The following LGR5 variants were observed in gnomAD, a reference collection of about 807,000 sequenced individuals.
LGR5 encodes the protein leucine rich repeat containing G protein-coupled receptor 5.
LGR5 carries 54 observed loss-of-function variants against 76.7 expected under a neutral mutation model. The ratio of observed to expected loss-of-function variants is 0.70; its 90% CI spans 0.57 to 0.88. The LOEUF is 0.88. Among genes scored for constraint, LGR5 ranks in the 40% least tolerant of loss-of-function variants. The pLI is 0.00. For synonymous variants in LGR5, 406 were observed against 421.9 expected, an observed-to-expected ratio of 0.96 and a Z score of 0.46; for missense variants, 1,078 against 1,073.3, an observed-to-expected ratio of 1.00 and a Z score of -0.06.
At chr12:71,564,819 G>T (rs1462688389) in intron 8 of LGR5, among the ~76,000 whole-genome samples, 2 of 146,440 alleles carry the variant, frequency 1.4e-5, no homozygotes, top group African/African-American at 2.5e-5. Flanking sequence ...ACTGTATATA[G>T]ATACACATAT....
At chr12:71,497,867 G>C (rs1874405454) in intron 1 of LGR5, among the ~76,000 whole-genome samples, 1 of 152,152 alleles carries the variant, frequency 6.6e-6, no homozygotes, top group Non-Finnish European at 1.5e-5. Flanking sequence ...TTTTAAAATA[G>C]TAACACTGTA....
intron 11 of LGR5, among the ~76,000 whole-genome samples, chr12:71,570,095 G>C (rs1878533766): frequency 6.6e-6 from 1 of 152,160 alleles, no homozygotes; most frequent in South Asian, 2.1e-4. Flanking sequence ...CTTGCAAGTG[G>C]GAGCTGAGCA....
intron 1 of LGR5, among the ~76,000 whole-genome samples, chr12:71,456,266 G>C (rs1730236561): frequency 6.6e-6 from 1 of 152,132 alleles, no homozygotes; most frequent in Non-Finnish European, 1.5e-5. Context: ...TACATAAAAA[G>C]CTTTTGATCA....
rs144643399 is a variant in LGR5 at position 71,462,571 on chromosome 12, C to G, written c.212+22279C>G. 7.9e-5 allele frequency among the ~76,000 whole-genome samples: 12 copies of G among 152,278 alleles called. No individual in the cohort carries two copies. In the East Asian group the frequency reaches 2.3e-3, roughly 29 times the overall value. On this transcript the variant is annotated intron_variant, in intron 1 of 17. Coordinates refer to ENST00000266674, the MANE Select transcript of LGR5 (RefSeq NM_003667.4). ...AAAAGTCCTTCCTGCAAGCTCTTCTCAACTACAGTCTCCTCATCAATGGCT... is the reference window on the plus strand; with the variant it reads ...AAAAGTCCTTCCTGCAAGCTCTTCTGAACTACAGTCTCCTCATCAATGGCT...
intron 1 of LGR5, among the ~76,000 whole-genome samples, chr12:71,498,253 C>G (rs17227114): frequency 0.089 from 13,612 of 152,198 alleles, 647 homozygotes; most frequent in Non-Finnish European, 0.11. Flanking sequence ...AGAGTTTGCT[C>G]CCAAGAGTAT....
intron 1 of LGR5, among the ~76,000 whole-genome samples, chr12:71,486,763 AC>A (rs1288285708): frequency 2.0e-5 from 3 of 152,080 alleles, no homozygotes; most frequent in African/African-American, 4.8e-5. Flanking sequence ...TATCATTAAA[AC>A]TTCTTTAAAA....
intron 1 of LGR5, among the ~76,000 whole-genome samples, chr12:71,455,317 G>A (rs943776517): frequency 2.6e-5 from 4 of 152,094 alleles, no homozygotes; most frequent in East Asian, 1.9e-4. Flanking sequence ...GTAAATACAT[G>A]TTCTGAAGTC....
chr12:71,443,857 C>T (rs754941468), intron 1 of LGR5, among the ~76,000 whole-genome samples: 1 of 152,008 alleles, frequency 6.6e-6, no homozygotes, highest in African/African-American at 2.4e-5. Context: ...TAAAGGCATT[C>T]ACATTTCATC....
chr12:71,512,700 GA>G (rs1423506134), intron 2 of LGR5, among the ~76,000 whole-genome samples: 2 of 152,204 alleles, frequency 1.3e-5, no homozygotes, highest in Admixed American at 6.5e-5. Flanking sequence ...ATAGGGTTAT[GA>G]AATCGGGTGT....
At chr12:71,567,920 A>T (rs1878429627) in intron 11 of LGR5, among the ~76,000 whole-genome samples, 1 of 152,192 alleles carries the variant, frequency 6.6e-6, no homozygotes, top group South Asian at 2.1e-4. Context: ...AATTTGTTAA[A>T]ATCACAAAGC....
chr12:71,516,350 T>C (rs981280255), intron 2 of LGR5, among the ~76,000 whole-genome samples: 18 of 152,080 alleles, frequency 1.2e-4, no homozygotes, highest in African/African-American at 3.9e-4. Flanking sequence ...AAGAAGAAAT[T>C]TGTGCAAGAA....
rs761226457 is a variant in LGR5, at chr12:71,583,942, C to A, written c.1932C>A (p.Ser644=). 59 of 1,614,008 alleles carry A rather than the reference C, an allele frequency of 3.7e-5. No homozygotes were observed. Among genetic ancestry groups the A allele is most frequent in the Non-Finnish European group, 4.9e-5 (58 of 1,180,026 alleles). Residue 644 remains serine, a synonymous_variant, in exon 18 of 18, where the codon TCC becomes TCA. Coordinates refer to ENST00000266674, the MANE Select transcript of LGR5 (RefSeq NM_003667.4). The stretch of plus-strand genomic sequence containing the variant: ...GTTGCCATGTCATTGGTTTTTTGTC[C>A]ATTTTTGCTTCAGAATCATCTGTTT... ...GVGCHVIGFL[S]IFASESSVFL...
At position 71,440,261 on chromosome 12, in the gene LGR5, C is replaced by A. The variant is rs757735108; in HGVS notation, c.181C>A (p.Pro61Thr). The change falls in exon 1 of 18, where the codon CCT (proline) becomes ACT (threonine). Residue 61 changes from proline (P) to threonine (T), a missense_variant. Physicochemically the swap from Pro to Thr is conservative, Grantham distance 38. Coordinates refer to ENST00000266674, the MANE Select transcript of LGR5 (RefSeq NM_003667.4). This position sits in a 1 kb window ranked among gnomAD's most constrained non-coding sequence, Gnocchi z 5.3. Reference protein sequence around the residue: ...DCSDLGLSELPSNLSVFTSYL... With the variant: ...DCSDLGLSELTSNLSVFTSYL... The stretch of plus-strand genomic sequence containing the variant: ...CTCCGACCTGGGGCTCTCGGAGCTG[C>A]CTTCCAACCTCAGCGTCTTCACCTC... 7.4e-6 allele frequency: 12 copies of A among 1,612,626 alleles called. No individual in the cohort carries two copies. Among genetic ancestry groups the A allele is most frequent in the Non-Finnish European group, 9.3e-6 (11 of 1,179,986 alleles).
At chr12:71,474,775 A>T (rs1316661579) in intron 1 of LGR5, among the ~76,000 whole-genome samples, 1 of 152,236 alleles carries the variant, frequency 6.6e-6, no homozygotes. Context: ...TAAACAATGT[A>T]GCAACTGATC....
At chr12:71,545,900 A>G (rs1313598895) in intron 4 of LGR5, among the ~76,000 whole-genome samples, 4 of 152,238 alleles carry the variant, frequency 2.6e-5, no homozygotes, top group Non-Finnish European at 5.9e-5. Context: ...TATGGAGCAG[A>G]TTGGCAAAAT....
At chr12:71,535,624 T>C (rs1160469722) in intron 4 of LGR5, among the ~76,000 whole-genome samples, 1 of 152,218 alleles carries the variant, frequency 6.6e-6, no homozygotes, top group Non-Finnish European at 1.5e-5. Flanking sequence ...AATAAAGGCT[T>C]ACTATTTTAG....
chr12:71,538,859 GA>G (rs1324497133), intron 4 of LGR5, among the ~76,000 whole-genome samples: 1 of 151,766 alleles, frequency 6.6e-6, no homozygotes, highest in Non-Finnish European at 1.5e-5. Flanking sequence ...CCGTGTCTCT[GA>G]AAAAAAGGAA....
intron 1 of LGR5, among the ~76,000 whole-genome samples, chr12:71,464,284 G>A (rs1348013014): frequency 6.6e-6 from 1 of 152,146 alleles, no homozygotes; most frequent in African/African-American, 2.4e-5. Context: ...TAAGTGCCAA[G>A]TAATATTTGT....
chr12:71,452,304 C>T (rs2137211373), intron 1 of LGR5, among the ~76,000 whole-genome samples: 1 of 152,300 alleles, frequency 6.6e-6, no homozygotes, highest in Non-Finnish European at 1.5e-5. Flanking sequence ...TTTTAAAACA[C>T]CCTGTGTCCA....
Sources: allele counts gnomAD v4.1 joint callset (sites outside exome capture counted in the v4.1 genomes callset), GRCh38; gene constraint gnomAD v4.1.1; non-coding constraint Gnocchi (gnomAD v3.1); transcripts MANE v1.5; gene names NCBI Gene and HGNC (gene_info 2026-07-23, HGNC 2026-07-21).